Variants in KHSRP observed in about 807,000 individuals in gnomAD.
KHSRP encodes far upstream element-binding protein 2.
A neutral mutation model predicts 94.9 loss-of-function variants in KHSRP; 13 were observed. The ratio of observed to expected loss-of-function variants is 0.14; its 90% CI spans 0.09 to 0.22. KHSRP has a LOEUF of 0.22. KHSRP is among the 10% of genes least tolerant of loss of function. KHSRP has a pLI of 1.00. For synonymous variants in KHSRP, 495 were observed against 401.4 expected, an observed-to-expected ratio of 1.23 and a Z score of -2.79; for missense variants, 710 against 1,010.0, an observed-to-expected ratio of 0.70 and a Z score of 4.03.
chr19:6,415,838 G>A lies in KHSRP; in HGVS notation c.1657C>T (p.Gln553Ter). ...PPQGWGNTYPQWQPPAPHDPS... is the reference protein window; with the variant it reads ...PPQGWGNTYP ...TCATGAGGAGCAGGCGGCTGCCACT[G>A]GGGGTAGGTATTGCCCCAGCCCTGG... Residue 553 changes from glutamine to a stop codon, truncating the protein, a stop_gained, in exon 16 of 19, where the codon CAG (glutamine) becomes TAG (stop). Coordinates refer to ENST00000600480, the MANE Select transcript of KHSRP (RefSeq NM_001366299.1). LOFTEE classifies it high-confidence loss of function. 1 of 1,576,570 alleles carries A rather than the reference G, an allele frequency of 6.3e-7. No homozygotes were observed. The highest frequency in any genetic ancestry group is 1.2e-5 in the South Asian group (1 of 85,686).
chr19:6,414,890 C>T lies in KHSRP; in HGVS notation c.*134G>A, dbSNP rs905683356. 1.5e-5 allele frequency: 20 copies of T among 1,368,708 alleles called. No homozygotes were observed. Among genetic ancestry groups the T allele is most frequent in the South Asian group, 7.0e-5 (4 of 56,884 alleles). The allele number at this position is 1,368,708 out of a possible 1,614,324, so 84.8% of individuals were successfully genotyped here. A position where few individuals can be genotyped will look rare whatever the true frequency, so the allele number is the denominator to read the frequency against. ...CGAGTCTCAGCGCTCCCCAGCATCACGACAGCGGCACACAGGAACAAGCAG... is the reference window on the plus strand; with the variant it reads ...CGAGTCTCAGCGCTCCCCAGCATCATGACAGCGGCACACAGGAACAAGCAG... On this transcript the variant is annotated 3_prime_UTR_variant, in exon 19 of 19. Transcript: ENST00000600480.
chr19:6,418,184 T>TCCTTA lies in KHSRP; in HGVS notation c.880-106_880-105insTAAGG. ...CAACTAAGGACCCACGAACCCTGGG[T>TCCTTA]GAGCCCAGCACAGCACCCTACTGAG... On this transcript the variant is annotated intron_variant, in intron 9 of 18. Transcript: ENST00000600480. The surrounding 1 kb of genome is among the most constrained non-coding windows in gnomAD (Gnocchi z 4.3). The TCCTTA allele has an allele frequency of 1.0e-6, 1 of 953,052 alleles. No homozygotes were observed. The allele number at this position is 953,052 out of a possible 1,614,324, so 59.0% of individuals were successfully genotyped here. A position where few individuals can be genotyped will look rare whatever the true frequency, so the allele number is the denominator to read the frequency against.
intron 11 of KHSRP, 93 bp from the exon 12 acceptor site, chr19:6,417,180 C>T (rs1220719402): frequency 7.3e-6 from 7 of 957,360 alleles, no homozygotes; most frequent in Non-Finnish European, 1.1e-5. Context: ...GACACCACGC[C>T]GGCCTGAGAT....
chr19:6,416,723 G>A lies in KHSRP; in HGVS notation c.1327+15C>T. 2 of 1,606,872 alleles carry A rather than the reference G, an allele frequency of 1.2e-6. No individual in the cohort carries two copies. Among genetic ancestry groups the A allele is most frequent in the Non-Finnish European group, 1.7e-6 (2 of 1,175,558 alleles). ...AAGAGGGGGCAAGGGATAGGGTGCA[G>A]GGGGCCACACTCACCTCGGCCGATG... On this transcript the variant is annotated intron_variant, in intron 13 of 18. Transcript: ENST00000600480.
chr19:6,416,301 G>T lies in KHSRP; in HGVS notation c.1595C>A (p.Pro532Gln). Reference protein sequence around the residue: ...PFNQGPPGAPPHAGGPPPHQY... With the variant: ...PFNQGPPGAPQHAGGPPPHQY... Reference sequence around the variant, plus strand: ...CCAGGAGGCAGAGGATACTCACTGTGGGGGAGCCCCGGGTGGCCCCTGGTT... The same window carrying T: ...CCAGGAGGCAGAGGATACTCACTGTTGGGGAGCCCCGGGTGGCCCCTGGTT... Residue 532 changes from proline to glutamine, a missense_variant, in exon 15 of 19, where the codon CCA (proline) becomes CAA (glutamine). By Grantham distance (76) the Pro-to-Gln change is moderately conservative. Around this residue, in one of 5 missense-constraint regions of KHSRP, gnomAD observed 292 missense variants for 340.5 expected, o/e 0.86. Coordinates refer to ENST00000600480, the MANE Select transcript of KHSRP (RefSeq NM_001366299.1). 1 of 1,600,372 alleles carries T rather than the reference G, an allele frequency of 6.2e-7. No individual in the cohort carries two copies. Among genetic ancestry groups the T allele is most frequent in the Non-Finnish European group, 8.5e-7 (1 of 1,175,524 alleles).
Position 6,415,626 on chromosome 19 carries a change from G to A in KHSRP, c.1796C>T (p.Ala599Val), listed in dbSNP as rs1242373356. 5.9e-6 allele frequency: 9 copies of A among 1,522,280 alleles called. No homozygotes were observed. Among genetic ancestry groups the A allele is most frequent in the Middle Eastern group, 2.0e-4 (1 of 5,086 alleles). 94.3% of individuals were successfully genotyped at this position (1,522,280 alleles called of 1,614,324 possible). A position where few individuals can be genotyped will look rare whatever the true frequency, so the allele number is the denominator to read the frequency against. Residue 599 changes from alanine (A) to valine (V), a missense_variant, in exon 17 of 19, where the codon GCG becomes GTG. Physicochemically the swap from Ala to Val is moderately conservative, Grantham distance 64. This residue lies in a region of KHSRP where 292 missense variants were observed against 340.5 expected (regional missense o/e 0.86). Transcript: ENST00000600480. ...GPVPGPAPAP[A>V]APPAQGEPPQ... The stretch of plus-strand genomic sequence containing the variant: ...GGGCTCACCCTGAGCCGGTGGGGCC[G>A]CAGGGGCCGGTGCGGGGCCGGGGAC...
At chr19:6,423,716 G>A (rs138865649) in intron 1 of KHSRP, among the ~76,000 whole-genome samples, 1 of 152,204 alleles carries the variant, frequency 6.6e-6, no homozygotes, top group Admixed American at 6.5e-5. Context: ...GGAGCCGGTC[G>A]GCGGCAAAGT....
chr19:6,419,580 G>A (rs929875482), intron 6 of KHSRP, among the ~76,000 whole-genome samples: 3 of 152,158 alleles, frequency 2.0e-5, no homozygotes, highest in African/African-American at 7.2e-5. Flanking sequence ...CGTGCTACAC[G>A]CCCAAGGAAG....
chr19:6,415,778 C>G (rs765244740), intron 16 of KHSRP, 30 bp downstream of exon 16: 8 of 1,553,542 alleles, frequency 5.1e-6, no homozygotes, highest in Non-Finnish European at 7.0e-6. Flanking sequence ...AGAACAGGGC[C>G]TGCCCTCCGC....
chr19:6,417,802 G>T lies in KHSRP; in HGVS notation c.1018C>A (p.Arg340=), dbSNP rs1194970908. 7 of 1,613,782 alleles carry T rather than the reference G, an allele frequency of 4.3e-6. No individual in the cohort carries two copies. Among genetic ancestry groups the T allele is most frequent in the Non-Finnish European group, 5.9e-6 (7 of 1,179,854 alleles). Reference sequence around the variant, plus strand: ...ATCTTCTTGATCATCTCTCCACTCCGGCCAATGACCACGCCAACAGAATGC... The same window carrying T: ...ATCTTCTTGATCATCTCTCCACTCCTGCCAATGACCACGCCAACAGAATGC... ...PRHSVGVVIG[R]SGEMIKKIQN... is the part of the protein sequence containing the mutation. The change falls in exon 11 of 19, where the codon CGG becomes AGG. Residue 340 remains arginine, a synonymous_variant. Coordinates refer to ENST00000600480, the MANE Select transcript of KHSRP (RefSeq NM_001366299.1).
chr19:6,415,351 G>C (rs1006231257), intron 18 of KHSRP, 29 bp downstream of exon 18: 23 of 1,612,098 alleles, frequency 1.4e-5, no homozygotes, highest in Middle Eastern at 1.6e-4. Flanking sequence ...GGCTGCCCCT[G>C]CCCCTGTCCC....
rs1409396257 is a variant in KHSRP, at chr19:6,414,003, C to A, written c.*1021G>T. The A allele has an allele frequency of 7.0e-7, 1 of 1,422,936 alleles. No homozygotes were observed. The highest frequency in any genetic ancestry group is 9.4e-7 in the Non-Finnish European group (1 of 1,065,530). 88.1% of individuals were successfully genotyped at this position (1,422,936 alleles called of 1,614,324 possible). ...CTTGCCGCGAGGGCTCCCCAGTACTCCCCACGGCAGCCATCGCTCTCTCGC... is the reference window on the plus strand; with the variant it reads ...CTTGCCGCGAGGGCTCCCCAGTACTACCCACGGCAGCCATCGCTCTCTCGC... On this transcript the variant is annotated 3_prime_UTR_variant, in exon 19 of 19. Transcript: ENST00000600480.
intron 1 of KHSRP, among the ~76,000 whole-genome samples, chr19:6,423,825 T>C (rs2092210262): frequency 6.6e-6 from 1 of 152,160 alleles, no homozygotes; most frequent in Admixed American, 6.5e-5. Flanking sequence ...TCCTTGTCAT[T>C]ACGCCTCAAT....
Position 6,414,601 on chromosome 19 carries a change from G to T in KHSRP, c.*423C>A, listed in dbSNP as rs1031530356. ...GCCCGGCGGGGCAGGGGCCTGGGCC[G>T]CTCCCCGCGTCCCCACCAGTCCCTG... On this transcript the variant is annotated 3_prime_UTR_variant, in exon 19 of 19. Transcript: ENST00000600480. 2.8e-5 allele frequency: 28 copies of T among 1,010,856 alleles called. No homozygotes were observed. The highest frequency in any genetic ancestry group is 3.2e-5 in the Non-Finnish European group (27 of 847,484). The allele number at this position is 1,010,856 out of a possible 1,614,324, so 62.6% of individuals were successfully genotyped here. A position where few individuals can be genotyped will look rare whatever the true frequency, so the allele number is the denominator to read the frequency against.
In KHSRP at chr19:6,422,328, G is replaced by C; in HGVS notation, c.346+12C>G. Reference sequence around the variant, plus strand: ...CCTTCCTCCTAAGCTAAAGGCAGCAGCAGGGAGTTACCTCCATCTTCCAAC... The same window carrying C: ...CCTTCCTCCTAAGCTAAAGGCAGCACCAGGGAGTTACCTCCATCTTCCAAC... On this transcript the variant is annotated intron_variant, in intron 2 of 18. Coordinates refer to ENST00000600480, the MANE Select transcript of KHSRP (RefSeq NM_001366299.1). 6.3e-7 allele frequency: 1 copy of C among 1,586,958 alleles called. No homozygotes were observed. The highest frequency in any genetic ancestry group is 8.7e-7 in the Non-Finnish European group (1 of 1,155,472).
intron 1 of KHSRP, among the ~76,000 whole-genome samples, 197 bp from the exon 2 acceptor site, chr19:6,422,633 A>T (rs191130575): frequency 0.01 from 1,564 of 152,244 alleles, 15 homozygotes; most frequent in South Asian, 0.029. Context: ...TCACCAGTTA[A>T]CTGGGAATAT....
intron 1 of KHSRP, among the ~76,000 whole-genome samples, chr19:6,423,619 G>C (rs1353673477): frequency 1.1e-4 from 17 of 152,208 alleles, no homozygotes; most frequent in African/African-American, 4.1e-4. Context: ...AGAGACGACA[G>C]AGGGCCAGAA....
At chr19:6,420,038 G>GC in intron 6 of KHSRP, 35 bp downstream of exon 6, 1 of 1,520,850 alleles carries the variant, frequency 6.6e-7, no homozygotes, top group Non-Finnish European at 9.1e-7. Flanking sequence ...CCCAACCCTG[G>GC]CCCCCACTCT....
Position 6,424,488 on chromosome 19 carries a change from C to T in KHSRP, c.214G>A (p.Asp72Asn). ...PGGGGPGIRK[D>N]AFADAVQRAR... ...CGCTGCACGGCGTCGGCGAAAGCGT[C>T]CTTGCGGATTCCCGGGCCGCCTCCG... Residue 72 changes from aspartate to asparagine, a missense_variant, in exon 1 of 19, where the codon GAC becomes AAC. Asp to Asn is a conservative substitution (Grantham distance 23, BLOSUM62 1). Around this residue, in one of 5 missense-constraint regions of KHSRP, gnomAD observed 92 missense variants for 80.8 expected, o/e 1.14. Coordinates refer to ENST00000600480, the MANE Select transcript of KHSRP (RefSeq NM_001366299.1). 3 of 990,408 alleles carry T rather than the reference C, an allele frequency of 3.0e-6. No homozygotes were observed. Among genetic ancestry groups the T allele is most frequent in the Non-Finnish European group, 3.6e-6 (3 of 834,694 alleles). 61.4% of individuals were successfully genotyped at this position (990,408 alleles called of 1,614,324 possible). A position where few individuals can be genotyped will look rare whatever the true frequency, so the allele number is the denominator to read the frequency against.
Sources: gnomAD v4.1 joint callset for allele counts (sites outside exome capture counted in the v4.1 genomes callset) on GRCh38, gnomAD v4.1.1 for gene constraint, gnomAD v4.1.1 regional missense constraint, Gnocchi (gnomAD v3.1) non-coding constraint, MANE v1.5 for transcripts, NCBI Gene and HGNC (gene_info 2026-07-23, HGNC 2026-07-21) for gene names.